The following DLL1 variants were observed in gnomAD, a reference collection of about 807,000 sequenced individuals.
DLL1 encodes the protein delta-like protein 1.
Under a neutral mutation model 75.1 loss-of-function variants are expected in DLL1, and 9 were observed. The observed-to-expected ratio is 0.12, with a 90% CI of 0.07 to 0.21. The LOEUF is 0.21. Among genes scored for constraint, DLL1 ranks in the 10% least tolerant of loss-of-function variants. The probability of loss-of-function intolerance (pLI) is 1.00; values close to 1 mark genes in which losing one functional copy is unlikely to be tolerated. For synonymous variants in DLL1, 477 were observed against 418.3 expected, an observed-to-expected ratio of 1.14 and a Z score of -1.71; for missense variants, 837 against 1,007.6, an observed-to-expected ratio of 0.83 and a Z score of 2.29.
intron 1 of DLL1, 135 bp downstream of exon 1, chr6:170,289,951 C>T (rs1583158093): frequency 2.3e-6 from 3 of 1,313,102 alleles, no homozygotes; most frequent in East Asian, 3.0e-5. Flanking sequence ...GGGGTCGTCG[C>T]CCCCGGGATT....
Position 170,282,522 on chromosome 6 carries a change from G to T in DLL1, c.*352C>A. ...AAAAAGGACAATAAAGGCAGTGTTT[G>T]TGTTTCTAATTCAAGAAAAGACTGG... On this transcript the variant is annotated 3_prime_UTR_variant, in exon 11 of 11. Coordinates refer to ENST00000366756, the MANE Select transcript of DLL1 (RefSeq NM_005618.4). 1 of 438,658 alleles carries T rather than the reference G, an allele frequency of 2.3e-6. No individual in the cohort carries two copies. The allele number at this position is 438,658 out of a possible 1,614,324, so 27.2% of individuals were successfully genotyped here.
chr6:170,289,456 T>A, intron 2 of DLL1, 56 bp downstream of exon 2: 1 of 1,522,048 alleles, frequency 6.6e-7, no homozygotes, highest in Non-Finnish European at 8.8e-7. Flanking sequence ...TCCCAGCGCG[T>A]CCTGCAGCCC....
Position 170,290,098 on chromosome 6 carries a change from G to T in DLL1, c.42C>A (p.Ala14=). Residue 14 remains alanine, a synonymous_variant, in exon 1 of 11, where the codon GCC becomes GCA. Coordinates refer to ENST00000366756, the MANE Select transcript of DLL1 (RefSeq NM_005618.4). This position sits in a 1 kb window ranked among gnomAD's most constrained non-coding sequence, Gnocchi z 4.7. ...RCALALAVLS[A]LLCQVWSSGV... is the part of the protein sequence containing the mutation. ...CCTGCCCGCCTACCTGACACAGCAA[G>T]GCCGAGAGCACCGCCAGGGCCAGCG... The T allele has an allele frequency of 6.3e-7, 1 of 1,590,446 alleles. No individual in the cohort carries two copies. The highest frequency in any genetic ancestry group is 8.5e-7 in the Non-Finnish European group (1 of 1,176,484).
Position 170,285,112 on chromosome 6 carries a change from A to G in DLL1, c.1056T>C (p.Cys352=), listed in dbSNP as rs752345966. 8 of 1,613,192 alleles carry G rather than the reference A, an allele frequency of 5.0e-6. No individual in the cohort carries two copies. The highest frequency in any genetic ancestry group is 6.8e-6 in the Non-Finnish European group (8 of 1,179,720). ...TGCCGTAGAAGCCGGGTGGGCAGGT[A>G]CAGGAGTAGCTGTTCTCGAGATCCT... ...SCTDLENSYS[C]TCPPGFYGKI... The change falls in exon 8 of 11, where the codon TGT becomes TGC. Residue 352 remains cysteine, a synonymous_variant. Transcript: ENST00000366756.
At position 170,290,090 on chromosome 6, in the gene DLL1, C is replaced by A. The variant is rs1359619185; in HGVS notation, c.50G>T (p.Cys17Phe). Residue 17 changes from cysteine (C) to phenylalanine (F), a missense_variant, in exon 1 of 11, where the codon TGT becomes TTT. Transcript: ENST00000366756. This position sits in a 1 kb window ranked among gnomAD's most constrained non-coding sequence, Gnocchi z 4.7. ...LALAVLSALL[C>F]QVWSSGVFEL... ...CGCCCCCACCTGCCCGCCTACCTGA[C>A]ACAGCAAGGCCGAGAGCACCGCCAG... 5.7e-6 allele frequency: 9 copies of A among 1,585,156 alleles called. No homozygotes were observed. The highest frequency in any genetic ancestry group is 7.7e-6 in the Non-Finnish European group (9 of 1,174,364).
At chr6:170,288,569 G>C (rs945812862) in intron 3 of DLL1, 73 bp from the exon 4 acceptor site, 4 of 1,613,268 alleles carry the variant, frequency 2.5e-6, no homozygotes, top group Admixed American at 3.3e-5. Flanking sequence ...GGGGTGGGCC[G>C]AGACATTCAG....
chr6:170,288,150 C>T (rs751036215), intron 4 of DLL1, 89 bp downstream of exon 4: 3 of 1,590,564 alleles, frequency 1.9e-6, no homozygotes, highest in South Asian at 1.1e-5. Flanking sequence ...TCTACAGTCC[C>T]AAGCCCCCCG....
rs538862064 is a variant in DLL1, at chr6:170,282,595, C to T, written c.*279G>A. ...ACTCAGGCAGTGCATGCTTCTTATG[C>T]GTAATTCAGTTCACCCATTTAAATA... is the stretch of plus-strand genomic sequence containing the variant. On this transcript the variant is annotated 3_prime_UTR_variant, in exon 11 of 11. Coordinates refer to ENST00000366756, the MANE Select transcript of DLL1 (RefSeq NM_005618.4). The T allele has an allele frequency of 4.2e-5, 25 of 592,142 alleles. No homozygotes were observed. Among genetic ancestry groups the T allele is most frequent in the African/African-American group, 1.9e-4 (10 of 53,776 alleles). 36.7% of individuals were successfully genotyped at this position (592,142 alleles called of 1,614,324 possible).
At position 170,290,001 on chromosome 6, in the gene DLL1, C is replaced by G; in HGVS notation, c.54+85G>C. 1 of 1,362,112 alleles carries G rather than the reference C, an allele frequency of 7.3e-7. No homozygotes were observed. The allele number at this position is 1,362,112 out of a possible 1,614,324, so 84.4% of individuals were successfully genotyped here. A position where few individuals can be genotyped will look rare whatever the true frequency, so the allele number is the denominator to read the frequency against. On this transcript the variant is annotated intron_variant, in intron 1 of 10. Transcript: ENST00000366756. This position sits in a 1 kb window ranked among gnomAD's most constrained non-coding sequence, Gnocchi z 4.7. ...TGGCTGGCGCGGCCCGTGCCGCTGT[C>G]CGCCCCTCCCCGCGCGCTCCTGCCC...
chr6:170,288,500 C>A lies in DLL1; in HGVS notation c.413-4G>T. The stretch of plus-strand genomic sequence containing the variant: ...CTGATGAGTCTTTCTGGGTTTTCTA[C>A]GGGGAGAAGATGCTCCTGGTTGGTT... On this transcript the variant is annotated splice_region_variant and splice_polypyrimidine_tract_variant and intron_variant, in intron 3 of 10. Coordinates refer to ENST00000366756, the MANE Select transcript of DLL1 (RefSeq NM_005618.4). 1 of 1,614,022 alleles carries A rather than the reference C, an allele frequency of 6.2e-7. No homozygotes were observed. Among genetic ancestry groups the A allele is most frequent in the Non-Finnish European group, 8.5e-7 (1 of 1,180,030 alleles).
chr6:170,288,889 C>T, intron 2 of DLL1, 100 bp from the exon 3 acceptor site: 2 of 1,336,276 alleles, frequency 1.5e-6, no homozygotes, highest in Non-Finnish European at 2.1e-6. Flanking sequence ...CAACAGAGGC[C>T]TGAAGGCTGC....
rs573745223 is a variant in DLL1, at chr6:170,290,594, G to T, written c.-455C>A. 150 of 242,320 alleles carry T rather than the reference G, an allele frequency of 6.2e-4. No homozygotes were observed. Among genetic ancestry groups the T allele is most frequent in the African/African-American group, 3.2e-3 (139 of 43,284 alleles). 15.0% of individuals were successfully genotyped at this position (242,320 alleles called of 1,614,324 possible). A position where few individuals can be genotyped will look rare whatever the true frequency, so the allele number is the denominator to read the frequency against. ...CTCCCGAGCCGATTAGAAAGCCGCG[G>T]TCTGGAAATCCCACGGGCAAGGCGA... On this transcript the variant is annotated 5_prime_UTR_variant, in exon 1 of 11. Coordinates refer to ENST00000366756, the MANE Select transcript of DLL1 (RefSeq NM_005618.4). The surrounding 1 kb of genome is among the most constrained non-coding windows in gnomAD (Gnocchi z 4.7).
intron 8 of DLL1, among the ~76,000 whole-genome samples, chr6:170,284,455 T>C (rs555446053): frequency 6.6e-6 from 1 of 152,288 alleles, no homozygotes; most frequent in Admixed American, 6.5e-5. Flanking sequence ...TCCGGAATGC[T>C]CCGGCACATC....
intron 3 of DLL1, 55 bp from the exon 4 acceptor site, chr6:170,288,551 A>C (rs1214803034): frequency 1.9e-6 from 3 of 1,613,890 alleles, no homozygotes; most frequent in African/African-American, 1.3e-5. Context: ...GTGACTCGGG[A>C]CAGAGCGGGG....
In DLL1 at chr6:170,285,246, C is replaced by T. The variant is rs756201068; in HGVS notation, c.1032+8G>A. 45 of 1,614,030 alleles carry T rather than the reference C, an allele frequency of 2.8e-5. No homozygotes were observed. Among genetic ancestry groups the T allele is most frequent in the African/African-American group, 5.3e-5 (4 of 74,914 alleles). ...TCCGGGTGAGATGCCATGGAGCCTC[C>T]GACTCACCGTGCAGCTCCCTCCGTT... On this transcript the variant is annotated splice_region_variant and intron_variant, in intron 7 of 10. Coordinates refer to ENST00000366756, the MANE Select transcript of DLL1 (RefSeq NM_005618.4).
At chr6:170,284,292 G>A (rs375248826) in intron 8 of DLL1, among the ~76,000 whole-genome samples, 20 of 152,304 alleles carry the variant, frequency 1.3e-4, no homozygotes, top group African/African-American at 3.8e-4. Flanking sequence ...TGCATTAGTC[G>A]CCACAACAGC....
intron 4 of DLL1, among the ~76,000 whole-genome samples, chr6:170,286,764 G>C (rs941282786): frequency 6.6e-6 from 1 of 151,542 alleles, no homozygotes; most frequent in Non-Finnish European, 1.5e-5. Flanking sequence ...CCTCCCCCGC[G>C]CCCCCGGCCC....
chr6:170,288,483 T>A lies in DLL1; in HGVS notation c.426A>T (p.Arg142Ser). ...TCTGGGTGGCCAGGCGGCTGATGAG[T>A]CTTTCTGGGTTTTCTACGGGGAGAA... ...PDDLATENPE[R>S]LISRLATQRH... The change falls in exon 4 of 11, where the codon AGA becomes AGT. Residue 142 changes from arginine to serine, a missense_variant. Coordinates refer to ENST00000366756, the MANE Select transcript of DLL1 (RefSeq NM_005618.4). 6.2e-7 allele frequency: 1 copy of A among 1,613,758 alleles called. No homozygotes were observed. Among genetic ancestry groups the A allele is most frequent in the Non-Finnish European group, 8.5e-7 (1 of 1,179,998 alleles).
At chr6:170,286,116 G>A in intron 5 of DLL1, 122 bp downstream of exon 5, 1 of 1,232,128 alleles carries the variant, frequency 8.1e-7, no homozygotes, top group Non-Finnish European at 1.2e-6. Context: ...ACGGCCCCCT[G>A]TTCAATCAAT....
Sources: gnomAD v4.1 joint callset for allele counts (sites outside exome capture counted in the v4.1 genomes callset) on GRCh38, gnomAD v4.1.1 for gene constraint, Gnocchi (gnomAD v3.1) non-coding constraint, MANE v1.5 for transcripts, NCBI Gene and HGNC (gene_info 2026-07-23, HGNC 2026-07-21) for gene names.